Variants in DBR1 observed in about 807,000 individuals in gnomAD.
The protein encoded by DBR1 is debranching RNA lariats 1.
Under a neutral mutation model 45.9 loss-of-function variants are expected in DBR1, and 33 were observed. The ratio of observed to expected loss-of-function variants is 0.72; its 90% CI spans 0.55 to 0.96. DBR1 has a LOEUF of 0.96. DBR1 is among the 40% of genes least tolerant of loss of function. DBR1 has a pLI of 0.00. For missense variants in DBR1, 619 were observed against 667.4 expected (o/e 0.93, Z 0.80); for synonymous variants, 235 against 235.9 (o/e 1.00, Z 0.04).
At chr3:138,162,805 A>G (rs998150278) in intron 7 of DBR1, among the ~76,000 whole-genome samples, 1 of 152,232 alleles carries the variant, frequency 6.6e-6, no homozygotes, top group South Asian at 2.1e-4. Flanking sequence ...TAATGTGTGG[A>G]CTATATCTTC....
At chr3:138,171,766 G>T in intron 2 of DBR1, 53 bp from the exon 3 acceptor site, 2 of 1,283,504 alleles carry the variant, frequency 1.6e-6, no homozygotes, top group South Asian at 2.4e-5. Context: ...TCTCTACACC[G>T]ACTGAATAAA....
At chr3:138,173,871 T>C (rs980835321) in intron 1 of DBR1, among the ~76,000 whole-genome samples, 1 of 151,784 alleles carries the variant, frequency 6.6e-6, no homozygotes, top group African/African-American at 2.4e-5. Context: ...ACCCCGTCTC[T>C]ACTAAAAATG....
At chr3:138,164,785 T>C (rs1030574316) in intron 5 of DBR1, among the ~76,000 whole-genome samples, 1 of 152,194 alleles carries the variant, frequency 6.6e-6, no homozygotes, top group African/African-American at 2.4e-5. Context: ...TAGCTGGGAT[T>C]ACAAGCATGT....
chr3:138,170,640 C>T (rs1421139772), intron 3 of DBR1, among the ~76,000 whole-genome samples: 1 of 152,182 alleles, frequency 6.6e-6, no homozygotes, highest in Non-Finnish European at 1.5e-5. Context: ...CTATTTTGTA[C>T]CTCCATTCCA....
Position 138,162,594 on chromosome 3 carries a change from C to A in DBR1, c.942-12G>T. 1.3e-6 allele frequency: 2 copies of A among 1,591,904 alleles called. No homozygotes were observed. The highest frequency in any genetic ancestry group is 1.7e-6 in the Non-Finnish European group (2 of 1,162,916). ...CACTATAATCCCACCTATAAAAGTA[C>A]AAAACAATAGCTTTTTACATTTTAT... On this transcript the variant is annotated splice_polypyrimidine_tract_variant and intron_variant, in intron 7 of 7. Transcript: ENST00000260803.
rs1322037234 is a variant in DBR1, at chr3:138,161,936, G to A, written c.1588C>T (p.Gln530Ter). 1.9e-6 allele frequency: 3 copies of A among 1,614,124 alleles called. No homozygotes were observed. In the African/African-American group the frequency reaches 4.0e-5, roughly 22 times the overall value. Residue 530 changes from glutamine to a stop codon, truncating the protein, a stop_gained, in exon 8 of 8, where the codon CAA becomes TAA. Transcript: ENST00000260803. LOFTEE classifies it high-confidence loss of function. The part of the protein sequence containing the change: ...EQRKKIKRRN[Q>*]AIYAAVDDDD... Reference sequence around the variant, plus strand: ...TCATCCACTGCAGCGTAAATGGCTTGATTCCTCCTCTTAATTTTCTTTCTT... The same window carrying A: ...TCATCCACTGCAGCGTAAATGGCTTAATTCCTCCTCTTAATTTTCTTTCTT...
intron 6 of DBR1, 67 bp from the exon 7 acceptor site, chr3:138,163,561 T>C (rs918348108): frequency 1.2e-6 from 1 of 859,436 alleles, no homozygotes; most frequent in Non-Finnish European, 1.6e-6. Flanking sequence ...TTTAATATAA[T>C]TTAATAAAAT....
intron 6 of DBR1, 54 bp from the exon 7 acceptor site, chr3:138,163,548 C>T: frequency 1.0e-6 from 1 of 992,346 alleles, no homozygotes; most frequent in South Asian, 2.7e-5. Flanking sequence ...ACAGTCTAAT[C>T]ACTTTAATAT....
chr3:138,169,516 C>T (rs2042945234), intron 4 of DBR1, among the ~76,000 whole-genome samples: 1 of 152,068 alleles, frequency 6.6e-6, no homozygotes, highest in Non-Finnish European at 1.5e-5. Flanking sequence ...TTTAAAATAT[C>T]ACTTTAACAT....
At position 138,174,819 on chromosome 3, in the gene DBR1, G is replaced by A. The variant is rs368337191; in HGVS notation, c.-24C>T. 2.8e-4 allele frequency: 448 copies of A among 1,601,664 alleles called. 10 individuals carry two copies. In the South Asian group the frequency reaches 4.9e-3, roughly 18 times the overall value. ...ATTCTGCCGGCCTGAGGAGGTGAGC[G>A]CTGCCTGCAACGCCCTACACCACAG... is the stretch of plus-strand genomic sequence containing the variant. On this transcript the variant is annotated 5_prime_UTR_variant, in exon 1 of 8. Coordinates refer to ENST00000260803, the MANE Select transcript of DBR1 (RefSeq NM_016216.4).
intron 3 of DBR1, among the ~76,000 whole-genome samples, chr3:138,170,443 GACTAGAGACTAGT>G (rs2042949090): frequency 1.3e-5 from 2 of 152,146 alleles, no homozygotes; most frequent in African/African-American, 2.4e-5. Context: ...TCTAACTGTT[GACTAGAGACTAGT>G]TCCTTATGCT....
intron 5 of DBR1, among the ~76,000 whole-genome samples, chr3:138,166,775 C>T (rs1325585582): frequency 2.0e-5 from 3 of 152,172 alleles, no homozygotes; most frequent in African/African-American, 7.2e-5. Context: ...ATAAAATACC[C>T]TTACAATGTG....
chr3:138,167,909 T>C (rs2042937825), intron 4 of DBR1, among the ~76,000 whole-genome samples: 1 of 151,884 alleles, frequency 6.6e-6, no homozygotes, highest in South Asian at 2.1e-4. Context: ...ATCATGCAAT[T>C]GCACTCCAGC....
chr3:138,170,850 A>G (rs545269020), intron 3 of DBR1, among the ~76,000 whole-genome samples: 1 of 152,370 alleles, frequency 6.6e-6, no homozygotes, highest in South Asian at 2.1e-4. Context: ...ATACTTATAT[A>G]ATGGAATACT....
At chr3:138,165,125 G>T (rs1311477128) in intron 5 of DBR1, among the ~76,000 whole-genome samples, 1 of 152,080 alleles carries the variant, frequency 6.6e-6, no homozygotes, top group Non-Finnish European at 1.5e-5. Flanking sequence ...GCCTCTAAAA[G>T]GCAGTTGTGA....
At position 138,174,767 on chromosome 3, in the gene DBR1, T is replaced by C; in HGVS notation, c.29A>G (p.His10Arg). 6.2e-7 allele frequency: 1 copy of C among 1,611,504 alleles called. No homozygotes were observed. The highest frequency in any genetic ancestry group is 8.5e-7 in the Non-Finnish European group (1 of 1,179,640). Reference protein sequence around the residue: MRVAVAGCCHGELDKIYETL... With the variant: MRVAVAGCCRGELDKIYETL... ...CTCATAGATCTTATCCAGCTCGCCG[T>C]GGCAGCAGCCAGCCACAGCCACCCG... The change falls in exon 1 of 8, where the codon CAC becomes CGC. Residue 10 changes from histidine (H) to arginine (R), a missense_variant. By Grantham distance (29) the His-to-Arg change is conservative. This residue lies in a region of DBR1 where 430 missense variants were observed against 447.7 expected (regional missense o/e 0.96). Coordinates refer to ENST00000260803, the MANE Select transcript of DBR1 (RefSeq NM_016216.4).
intron 5 of DBR1, among the ~76,000 whole-genome samples, chr3:138,164,874 TGGCCTCAAGTG>T (rs2107902672): frequency 6.6e-6 from 1 of 152,336 alleles, no homozygotes; most frequent in South Asian, 2.1e-4. Context: ...CTCGAACTCC[TGGCCTCAAGTG>T]ATCCACCCGC....
Position 138,166,979 on chromosome 3 carries a change from G to A in DBR1, c.714+102C>T, listed in dbSNP as rs113254974. On this transcript the variant is annotated intron_variant, in intron 5 of 7. Coordinates refer to ENST00000260803, the MANE Select transcript of DBR1 (RefSeq NM_016216.4). The stretch of plus-strand genomic sequence containing the variant: ...TCATATATTGAGCTACTCACAAGAG[G>A]TAAGTTATCTTTTACTTCTTTCTCT... 1.3e-4 allele frequency: 133 copies of A among 1,008,600 alleles called. No homozygotes were observed. The African/African-American group carries it at 2.0e-3, about 15-fold the overall frequency. The allele number at this position is 1,008,600 out of a possible 1,614,324, so 62.5% of individuals were successfully genotyped here.
chr3:138,171,841 G>A, intron 2 of DBR1, 128 bp from the exon 3 acceptor site: 2 of 691,476 alleles, frequency 2.9e-6, no homozygotes, highest in South Asian at 3.6e-5. Context: ...ACCATGATGA[G>A]GTTATGCTTT....
Sources: gnomAD v4.1 joint callset for allele counts (sites outside exome capture counted in the v4.1 genomes callset) on GRCh38, gnomAD v4.1.1 for gene constraint, gnomAD v4.1.1 regional missense constraint, MANE v1.5 for transcripts, NCBI Gene and HGNC (gene_info 2026-07-23, HGNC 2026-07-21) for gene names.